The following ZNF454 variants were observed in gnomAD, a reference collection of about 807,000 sequenced individuals.
ZNF454 encodes zinc finger protein 454.
A neutral mutation model predicts 48.2 loss-of-function variants in ZNF454; 30 were observed. The ratio of observed to expected loss-of-function variants is 0.62; its 90% CI spans 0.47 to 0.84. The LOEUF (loss-of-function observed/expected upper bound fraction) is 0.84, where lower values mean the gene tolerates loss of function less well. ZNF454 is among the 40% of genes least tolerant of loss of function. ZNF454 has a pLI of 0.00. For missense variants in ZNF454, 510 were observed against 623.1 expected, an observed-to-expected ratio of 0.82 and a Z score of 1.93; for synonymous variants, 204 against 211.4, an observed-to-expected ratio of 0.97 and a Z score of 0.30.
At chr5:178,989,267 G>A in the ZNF454 span, 4 of 1,576,824 alleles carry the variant, frequency 2.5e-6, no homozygotes, top group South Asian at 4.4e-5. Context: ...GCTCTCACCT[G>A]TGCATTTGCG....
intron 4 of ZNF454, among the ~76,000 whole-genome samples, chr5:178,961,817 C>T (rs377468478): frequency 8.0e-6 from 1 of 125,716 alleles, no homozygotes; most frequent in Non-Finnish European, 1.7e-5. Context: ...GACTCTGTCT[C>T]AAAAAAAAAA....
downstream of ZNF454, among the ~76,000 whole-genome samples, chr5:178,969,929 T>G (rs193248155): frequency 1.4e-3 from 218 of 152,282 alleles, no homozygotes; most frequent in African/African-American, 5.1e-3. Context: ...TCCTGCCGGG[T>G]GCCCCTCATC....
At chr5:178,943,597 G>T (rs1403370790) in intron 2 of ZNF454, among the ~76,000 whole-genome samples, 1 of 152,182 alleles carries the variant, frequency 6.6e-6, no homozygotes, top group African/African-American at 2.4e-5. Context: ...ACACTTTTCT[G>T]GGGAGGTGTG....
the ZNF454 span, among the ~76,000 whole-genome samples, chr5:178,972,254 A>T: frequency 2.0e-5 from 3 of 152,298 alleles, no homozygotes; most frequent in South Asian, 4.1e-4. Flanking sequence ...ATACAGAAAA[A>T]TTTTAAATAT....
intron 4 of ZNF454, among the ~76,000 whole-genome samples, chr5:178,957,644 C>T (rs1336785341): frequency 6.6e-6 from 1 of 152,098 alleles, no homozygotes; most frequent in Non-Finnish European, 1.5e-5. Flanking sequence ...CTCCTGACCT[C>T]CAATGTAGGT....
the ZNF454 span, chr5:178,986,273 TGCCCAG>T: frequency 6.2e-7 from 1 of 1,614,078 alleles, no homozygotes; most frequent in African/African-American, 1.3e-5. Flanking sequence ...CTGAGGGTCG[TGCCCAG>T]GCCCAGGAAG....
chr5:178,953,617 C>T (rs1039767375), intron 4 of ZNF454, among the ~76,000 whole-genome samples: 1 of 152,110 alleles, frequency 6.6e-6, no homozygotes, highest in South Asian at 2.1e-4. Flanking sequence ...AGGAAGAATG[C>T]AAGGAAATGC....
chr5:178,948,825 C>G (rs1029980247), intron 4 of ZNF454, among the ~76,000 whole-genome samples: 1 of 148,232 alleles, frequency 6.7e-6, no homozygotes, highest in South Asian at 2.1e-4. Flanking sequence ...ATAAATTATT[C>G]TATGAATTTA....
intron 4 of ZNF454, among the ~76,000 whole-genome samples, chr5:178,955,746 T>C (rs1759721879): frequency 6.6e-6 from 1 of 152,250 alleles, no homozygotes; most frequent in Non-Finnish European, 1.5e-5. Context: ...CAAAATGCTG[T>C]TATTTCTTTA....
chr5:178,981,779 G>A, the ZNF454 span: 2 of 1,612,624 alleles, frequency 1.2e-6, no homozygotes, highest in South Asian at 2.2e-5. This position sits in a 1 kb window ranked among gnomAD's most constrained non-coding sequence, Gnocchi z 5.1. Context: ...TAGGTTTTGG[G>A]TACGTAGAGC....
At chr5:178,960,824 T>A (rs1489972177) in intron 4 of ZNF454, among the ~76,000 whole-genome samples, 1 of 151,762 alleles carries the variant, frequency 6.6e-6, no homozygotes, top group East Asian at 2.0e-4. Context: ...ACCTTTCTTT[T>A]GTATGATATA....
chr5:178,943,753 C>T (rs530439320), intron 2 of ZNF454, among the ~76,000 whole-genome samples: 19 of 152,200 alleles, frequency 1.2e-4, no homozygotes, highest in Admixed American at 8.5e-4. Context: ...GGGCCAGACG[C>T]GGTGGCTCAC....
At chr5:178,970,695 C>T (rs913192572), downstream of ZNF454, among the ~76,000 whole-genome samples, 1 of 152,090 alleles carries the variant, frequency 6.6e-6, no homozygotes, top group Non-Finnish European at 1.5e-5. Flanking sequence ...CTCCTGACCT[C>T]GTGATCCACT....
the ZNF454 span, among the ~76,000 whole-genome samples, chr5:178,987,836 T>A: frequency 2.6e-5 from 4 of 151,674 alleles, no homozygotes; most frequent in African/African-American, 9.7e-5. Context: ...CCCAGCTCAC[T>A]GCAACCTCTG....
the ZNF454 span, chr5:178,980,291 C>T: frequency 0.99 from 152,520 of 154,510 alleles, 75,318 homozygotes; most frequent in East Asian, 1. The surrounding 1 kb of genome is among the most constrained non-coding windows in gnomAD (Gnocchi z 4.3). Flanking sequence ...GGACATAAAA[C>T]TCCATAACTT....
In ZNF454 at chr5:178,965,166, A is replaced by G. The variant is rs199615531; in HGVS notation, c.762A>G (p.Ser254=). 1.2e-5 allele frequency: 20 copies of G among 1,614,190 alleles called. No homozygotes were observed. In the African/African-American group the frequency reaches 1.6e-4, roughly 13 times the overall value. The change falls in exon 5 of 5, where the codon TCA becomes TCG. Residue 254 remains serine (S), a synonymous_variant. Transcript: ENST00000519564. This position sits in a 1 kb window ranked among gnomAD's most constrained non-coding sequence, Gnocchi z 5.2. ...YECKECGKAF[S]VSSSLTYHQK... ...GTAAGGAATGTGGCAAGGCCTTCTC[A>G]GTGAGCTCCTCACTTACGTACCATC...
the ZNF454 span, chr5:178,989,794 T>G: frequency 2.9e-6 from 1 of 344,214 alleles, no homozygotes; most frequent in Non-Finnish European, 5.6e-6. Context: ...AGCCATCTTG[T>G]GACTATGAGA....
At position 178,963,495 on chromosome 5, in the gene ZNF454, T is replaced by C. The variant is rs944515588; in HGVS notation, c.251-1160T>C. On this transcript the variant is annotated intron_variant, in intron 4 of 4. Coordinates refer to ENST00000519564, the MANE Select transcript of ZNF454 (RefSeq NM_001178089.3). ...CAGGAGTGCCTTTTTGTAGAAGATT[T>C]TCTGCAGCGAGTGGGAAAAGGAGGT... Among the ~76,000 whole-genome samples the C allele has an allele frequency of 4.6e-5, 7 of 151,766 alleles. No individual in the cohort carries two copies. The Admixed American group carries it at 4.6e-4, about 10-fold the overall frequency.
intron 4 of ZNF454, among the ~76,000 whole-genome samples, chr5:178,951,002 G>A (rs372699711): frequency 4.6e-5 from 7 of 151,958 alleles, no homozygotes; most frequent in African/African-American, 1.4e-4. Flanking sequence ...TGGGACTACC[G>A]GTGCCTGCCA....
Sources: gnomAD v4.1 joint callset for allele counts (sites outside exome capture counted in the v4.1 genomes callset) on GRCh38, gnomAD v4.1.1 for gene constraint, Gnocchi (gnomAD v3.1) non-coding constraint, MANE v1.5 for transcripts, NCBI Gene and HGNC (gene_info 2026-07-23, HGNC 2026-07-21) for gene names.